Variants in TOX3 observed in about 807,000 individuals in gnomAD.
TOX3 encodes the protein TOX high mobility group box family member 3.
A neutral mutation model predicts 64.3 loss-of-function variants in TOX3; 22 were observed. The ratio of observed to expected loss-of-function variants is 0.34; its 90% CI spans 0.24 to 0.49. The LOEUF (loss-of-function observed/expected upper bound fraction) is 0.49, where lower values mean the gene tolerates loss of function less well. TOX3 is among the 20% of genes least tolerant of loss of function. The pLI is 0.99. For missense variants in TOX3, 661 were observed against 714.4 expected (o/e 0.93, Z 0.85); for synonymous variants, 291 against 273.6 (o/e 1.06, Z -0.63).
intron 1 of TOX3, among the ~76,000 whole-genome samples, chr16:52,544,616 T>C (rs1018862563): frequency 6.6e-6 from 1 of 152,162 alleles, no homozygotes; most frequent in Non-Finnish European, 1.5e-5. Context: ...ATTAAGAAAA[T>C]ACGACAGTAA....
At position 52,445,980 on chromosome 16, in the gene TOX3, G is replaced by A; in HGVS notation, c.906+14C>T. On this transcript the variant is annotated intron_variant, in intron 5 of 6. Transcript: ENST00000219746. ...GAGGTTTATTGATGGAGCCTTGATG[G>A]GTCTTTGTCTCACCTGCTTTTGTTC... is the stretch of plus-strand genomic sequence containing the variant. The A allele has an allele frequency of 6.2e-7, 1 of 1,606,730 alleles. No individual in the cohort carries two copies. Among genetic ancestry groups the A allele is most frequent in the Non-Finnish European group, 8.5e-7 (1 of 1,174,104 alleles).
intron 1 of TOX3, among the ~76,000 whole-genome samples, chr16:52,486,802 A>G (rs892156776): frequency 6.6e-6 from 1 of 152,034 alleles, no homozygotes. Context: ...AGAGTGTGGT[A>G]GTGCGCGCCT....
intron 1 of TOX3, among the ~76,000 whole-genome samples, chr16:52,526,219 G>A (rs77272710): frequency 0.022 from 3,313 of 152,218 alleles, 57 homozygotes; most frequent in Middle Eastern, 0.051. Flanking sequence ...AATGTCCAGC[G>A]AAAGCTTCAA....
chr16:52,463,140 G>A (rs147394666), intron 3 of TOX3, among the ~76,000 whole-genome samples: 1 of 151,858 alleles, frequency 6.6e-6, no homozygotes, highest in African/African-American at 2.4e-5. Flanking sequence ...ATTTTATCAG[G>A]GTTTTTTAAA....
chr16:52,519,550 A>G (rs900045197), intron 1 of TOX3: 3 of 1,505,932 alleles, frequency 2.0e-6, no homozygotes, highest in Non-Finnish European at 2.7e-6. Context: ...CCTCTGCTGG[A>G]TGGGGTTCAG....
chr16:52,534,060 G>A (rs1962901118), intron 1 of TOX3, among the ~76,000 whole-genome samples: 1 of 152,160 alleles, frequency 6.6e-6, no homozygotes, highest in South Asian at 2.1e-4. Context: ...AATGAGGGTA[G>A]GTTGGTTTGA....
chr16:52,531,635 T>C (rs1962853598), intron 1 of TOX3, among the ~76,000 whole-genome samples: 3 of 152,012 alleles, frequency 2.0e-5, no homozygotes, highest in South Asian at 2.1e-4. Flanking sequence ...AAAAAGTGGG[T>C]CAATGTAAAA....
chr16:52,500,966 G>A (rs1961984878), intron 1 of TOX3, among the ~76,000 whole-genome samples: 1 of 152,284 alleles, frequency 6.6e-6, no homozygotes, highest in African/African-American at 2.4e-5. Flanking sequence ...TGCTAAATAA[G>A]TAGTCTCCAA....
At chr16:52,480,918 G>C (rs975722014) in intron 1 of TOX3, among the ~76,000 whole-genome samples, 1 of 147,976 alleles carries the variant, frequency 6.8e-6, no homozygotes, top group Non-Finnish European at 1.5e-5. Flanking sequence ...CTTTGATAAT[G>C]TCTGAAGAGA....
chr16:52,515,465 C>T (rs958131867), intron 1 of TOX3, among the ~76,000 whole-genome samples: 1 of 152,214 alleles, frequency 6.6e-6, no homozygotes, highest in African/African-American at 2.4e-5. Flanking sequence ...ACAATTCTAT[C>T]ATGCTTTGAC....
chr16:52,469,460 A>T (rs2151759882), intron 1 of TOX3, among the ~76,000 whole-genome samples: 1 of 152,334 alleles, frequency 6.6e-6, no homozygotes, highest in Non-Finnish European at 1.5e-5. Flanking sequence ...TGAGTATAAT[A>T]ATCTAGAGCT....
rs115527875 is a variant in TOX3, at chr16:52,481,103, C to T, written c.88-12529G>A. 5.4e-3 allele frequency among the ~76,000 whole-genome samples: 815 copies of T among 152,206 alleles called. 11 individuals are homozygous for T. Among genetic ancestry groups the T allele is most frequent in the African/African-American group, 0.019 (792 of 41,536 alleles). On this transcript the variant is annotated intron_variant, in intron 1 of 6. Coordinates refer to ENST00000219746, the MANE Select transcript of TOX3 (RefSeq NM_001080430.4). ...TCAATCCATACATTAAACATAAATT[C>T]GAGATGAGGTATTTTACAATAAATA...
At chr16:52,539,820 C>T (rs34928352) in intron 1 of TOX3, among the ~76,000 whole-genome samples, 2,165 of 152,272 alleles carry the variant, frequency 0.014, 30 homozygotes, top group Middle Eastern at 0.024. Context: ...TCTTACCATT[C>T]GTCCAGGCCC....
chr16:52,465,982 T>C (rs1038349263), intron 2 of TOX3, among the ~76,000 whole-genome samples: 3 of 152,180 alleles, frequency 2.0e-5, no homozygotes, highest in African/African-American at 4.8e-5. Context: ...GAACCCCTAG[T>C]TCCCAAACAC....
chr16:52,445,957 G>A (rs1485023833), intron 5 of TOX3, 37 bp downstream of exon 5: 1 of 1,574,390 alleles, frequency 6.4e-7, no homozygotes, highest in African/African-American at 1.4e-5. Flanking sequence ...ATGATCATGA[G>A]GTTTATTGAT....
At chr16:52,521,213 A>G (rs1962599517) in intron 1 of TOX3, among the ~76,000 whole-genome samples, 2 of 152,236 alleles carry the variant, frequency 1.3e-5, no homozygotes, top group Admixed American at 1.3e-4. Flanking sequence ...CTGATGTAAT[A>G]AGAAAGCCTG....
chr16:52,538,051 G>A (rs912014200), intron 1 of TOX3, among the ~76,000 whole-genome samples: 1 of 151,992 alleles, frequency 6.6e-6, no homozygotes, highest in Non-Finnish European at 1.5e-5. Flanking sequence ...TTTCTCACTT[G>A]CAACCAAAGC....
intron 3 of TOX3, among the ~76,000 whole-genome samples, chr16:52,452,160 A>G (rs1960370356): frequency 6.6e-6 from 1 of 152,214 alleles, no homozygotes; most frequent in Admixed American, 6.5e-5. Context: ...CTTTGGGAAA[A>G]AAAAAAGTGT....
At chr16:52,481,144 T>C (rs1961359539) in intron 1 of TOX3, among the ~76,000 whole-genome samples, 1 of 152,226 alleles carries the variant, frequency 6.6e-6, no homozygotes, top group African/African-American at 2.4e-5. Context: ...GAATCATTGC[T>C]TCTACACTAT....
Sources: allele counts gnomAD v4.1 joint callset (sites outside exome capture counted in the v4.1 genomes callset), GRCh38; gene constraint gnomAD v4.1.1; transcripts MANE v1.5; gene names NCBI Gene and HGNC (gene_info 2026-07-23, HGNC 2026-07-21).